Variants in EXOC2 observed in about 807,000 individuals in gnomAD.
EXOC2 encodes the protein SEC5-like 1.
A neutral mutation model predicts 131.8 loss-of-function variants in EXOC2; 70 were observed. That is an observed-to-expected ratio of 0.53 (90% CI 0.44 to 0.65). The LOEUF is 0.65. Among genes scored for constraint, EXOC2 ranks in the 30% least tolerant of loss-of-function variants. The probability of loss-of-function intolerance (pLI) is 0.00; values close to 1 mark genes in which losing one functional copy is unlikely to be tolerated. For synonymous variants in EXOC2, 411 were observed against 398.4 expected (o/e 1.03, Z -0.38); for missense variants, 923 against 1,108.6 (o/e 0.83, Z 2.38).
intron 13 of EXOC2, among the ~76,000 whole-genome samples, chr6:568,502 T>C (rs1758098364): frequency 6.6e-6 from 1 of 152,222 alleles, no homozygotes; most frequent in Non-Finnish European, 1.5e-5. Flanking sequence ...CATAATGACA[T>C]GTGCCAACCC....
At chr6:563,336 G>A (rs979586307) in intron 16 of EXOC2, among the ~76,000 whole-genome samples, 1 of 152,184 alleles carries the variant, frequency 6.6e-6, no homozygotes, top group African/African-American at 2.4e-5. Context: ...AGGTGAGGAG[G>A]AGGTAATCAA....
chr6:631,012 C>T (rs1357230952), intron 3 of EXOC2, among the ~76,000 whole-genome samples: 1 of 152,214 alleles, frequency 6.6e-6, no homozygotes, highest in Non-Finnish European at 1.5e-5. Flanking sequence ...AGCTAGGCCT[C>T]CAAGGCCCTG....
At chr6:558,637 C>T (rs979479721) in intron 17 of EXOC2, among the ~76,000 whole-genome samples, 2 of 151,860 alleles carry the variant, frequency 1.3e-5, no homozygotes, top group Admixed American at 6.6e-5. Flanking sequence ...CATGATGAAA[C>T]CCCATCTCTA....
At chr6:512,044 G>A (rs1425346484) in intron 23 of EXOC2, among the ~76,000 whole-genome samples, 1 of 152,212 alleles carries the variant, frequency 6.6e-6, no homozygotes, top group Non-Finnish European at 1.5e-5. Context: ...TCATGGGTTG[G>A]TGTTTGTCAG....
intron 21 of EXOC2, among the ~76,000 whole-genome samples, chr6:552,365 C>T (rs754264076): frequency 2.6e-5 from 4 of 152,246 alleles, no homozygotes; most frequent in Non-Finnish European, 5.9e-5. Flanking sequence ...GGAAGGCCAG[C>T]TGACCTCATT....
At chr6:566,987 G>A (rs1241760433) in intron 13 of EXOC2, among the ~76,000 whole-genome samples, 1 of 152,058 alleles carries the variant, frequency 6.6e-6, no homozygotes, top group East Asian at 1.9e-4. Context: ...TGAACACCAC[G>A]TCCAAAATAC....
At chr6:645,313 A>G (rs1291903510) in intron 1 of EXOC2, among the ~76,000 whole-genome samples, 1 of 152,142 alleles carries the variant, frequency 6.6e-6, no homozygotes, top group Non-Finnish European at 1.5e-5. Context: ...TCATAAACAT[A>G]AAAACTAAAA....
chr6:593,669 T>A (rs1416258334), intron 10 of EXOC2, among the ~76,000 whole-genome samples: 2 of 152,232 alleles, frequency 1.3e-5, no homozygotes, highest in Admixed American at 6.5e-5. Context: ...CCAAATGAAT[T>A]TATTGTCTTA....
At chr6:690,320 C>T (rs967855439) in intron 1 of EXOC2, among the ~76,000 whole-genome samples, 1 of 152,106 alleles carries the variant, frequency 6.6e-6, no homozygotes, top group Non-Finnish European at 1.5e-5. Flanking sequence ...TGTGCCACTG[C>T]ACTCTAGCCT....
intron 1 of EXOC2, among the ~76,000 whole-genome samples, chr6:654,075 A>T (rs1766846): frequency 6.6e-6 from 1 of 152,078 alleles, no homozygotes; most frequent in Middle Eastern, 3.2e-3. Context: ...CCTCAGAAAA[A>T]AAGATTTCTT....
intron 27 of EXOC2, among the ~76,000 whole-genome samples, chr6:488,201 C>T (rs181090749): frequency 1.6e-3 from 242 of 152,280 alleles, no homozygotes; most frequent in Non-Finnish European, 2.0e-3. Flanking sequence ...GTGACAGCTC[C>T]CCCCCATGGC....
At chr6:551,924 T>A (rs182768272) in intron 21 of EXOC2, among the ~76,000 whole-genome samples, 6 of 152,316 alleles carry the variant, frequency 3.9e-5, no homozygotes, top group Admixed American at 3.9e-4. Context: ...ACCCTCAACA[T>A]TATTTTTATA....
intron 26 of EXOC2, among the ~76,000 whole-genome samples, chr6:490,919 C>T (rs535195455): frequency 3.5e-4 from 53 of 152,288 alleles, no homozygotes; most frequent in Non-Finnish European, 6.3e-4. Context: ...TATTATAAGA[C>T]TAAGATTTGT....
At chr6:507,560 G>A (rs1376206938) in intron 23 of EXOC2, among the ~76,000 whole-genome samples, 1 of 152,158 alleles carries the variant, frequency 6.6e-6, no homozygotes, top group Admixed American at 6.5e-5. Flanking sequence ...GAGAAAGAGA[G>A]GGCTTTTGCT....
At chr6:583,179 A>G (rs574287537) in intron 11 of EXOC2, among the ~76,000 whole-genome samples, 1 of 152,372 alleles carries the variant, frequency 6.6e-6, no homozygotes, top group South Asian at 2.1e-4. Flanking sequence ...TACAAAAATA[A>G]CAGAATACAG....
chr6:526,483 C>T (rs1765753804), intron 23 of EXOC2, among the ~76,000 whole-genome samples: 1 of 137,254 alleles, frequency 7.3e-6, no homozygotes. Flanking sequence ...TCTTGTTGCC[C>T]AGGCTGGAGT....
intron 23 of EXOC2, among the ~76,000 whole-genome samples, chr6:526,432 ATTTTTTTTTTT>A (rs70985804): frequency 2.6e-5 from 2 of 76,006 alleles, no homozygotes; most frequent in Non-Finnish European, 4.9e-5. Flanking sequence ...TTCTTTGTGG[ATTTTTTTTTTT>A]TTTTTTTTTT....
intron 11 of EXOC2, among the ~76,000 whole-genome samples, chr6:587,890 T>A (rs1759307011): frequency 6.6e-6 from 1 of 152,184 alleles, no homozygotes; most frequent in African/African-American, 2.4e-5. Context: ...TTAAAAAGAA[T>A]CCTTATTTCT....
intron 23 of EXOC2, among the ~76,000 whole-genome samples, chr6:531,996 A>G (rs762799831): frequency 9.8e-5 from 15 of 152,342 alleles, no homozygotes; most frequent in Middle Eastern, 3.4e-3. Context: ...CTGTGGCTCA[A>G]TTCTCTTTGC....
Sources: allele counts gnomAD v4.1 joint callset (sites outside exome capture counted in the v4.1 genomes callset), GRCh38; gene constraint gnomAD v4.1.1; transcripts MANE v1.5; gene names NCBI Gene and HGNC (gene_info 2026-07-23, HGNC 2026-07-21).